Variants in ADAMTSL3 observed in about 807,000 individuals in gnomAD.
The protein encoded by ADAMTSL3 is ADAMTS like 3.
Under a neutral mutation model 201.7 loss-of-function variants are expected in ADAMTSL3, and 128 were observed. That is an observed-to-expected ratio of 0.63 (90% CI 0.55 to 0.73). The LOEUF is 0.73. Ranked by LOEUF, ADAMTSL3 falls within the 30% of genes least tolerant of loss-of-function variation. ADAMTSL3 has a pLI of 0.00. For synonymous variants in ADAMTSL3, 738 were observed against 748.4 expected (o/e 0.99, Z 0.23); for missense variants, 1,990 against 2,119.6 (o/e 0.94, Z 1.20).
At chr15:83,795,342 C>T (rs915451682) in intron 4 of ADAMTSL3, among the ~76,000 whole-genome samples, 3 of 152,068 alleles carry the variant, frequency 2.0e-5, no homozygotes, top group Non-Finnish European at 1.5e-5. Context: ...GGCCAAAAAG[C>T]AAAGAGTAAA....
intron 6 of ADAMTSL3, among the ~76,000 whole-genome samples, chr15:83,830,473 G>T (rs1345461964): frequency 6.6e-6 from 1 of 152,168 alleles, no homozygotes; most frequent in Non-Finnish European, 1.5e-5. Context: ...AAGAAGGCCG[G>T]TTAGCAGTGG....
chr15:83,940,287 A>G (rs1244914967), intron 17 of ADAMTSL3, among the ~76,000 whole-genome samples: 1 of 152,222 alleles, frequency 6.6e-6, no homozygotes, highest in Non-Finnish European at 1.5e-5. Flanking sequence ...CAGAAAATAT[A>G]CTGAATTAGT....
intron 5 of ADAMTSL3, among the ~76,000 whole-genome samples, chr15:83,814,556 A>G (rs979873566): frequency 2.0e-5 from 3 of 152,126 alleles, no homozygotes; most frequent in Non-Finnish European, 4.4e-5. Flanking sequence ...CATCCTTTAA[A>G]TCCATCTGAG....
intron 16 of ADAMTSL3, among the ~76,000 whole-genome samples, chr15:83,915,496 TC>T (rs2066018280): frequency 1.1e-5 from 1 of 89,440 alleles, no homozygotes; most frequent in Non-Finnish European, 2.0e-5. Flanking sequence ...GATAAATTCC[TC>T]TTTTGTTTTT....
rs754906793 is a variant in ADAMTSL3 at position 83,913,215 on chromosome 15, G to A, written c.1824G>A (p.Glu608=). 3.8e-5 allele frequency: 61 copies of A among 1,614,164 alleles called. 1 individual carries two copies. The South Asian group carries it at 6.3e-4, about 17-fold the overall frequency. The change falls in exon 16 of 30, where the codon GAG becomes GAA. Residue 608 remains glutamate (E), a synonymous_variant. Coordinates refer to ENST00000286744, the MANE Select transcript of ADAMTSL3 (RefSeq NM_207517.3). ...CTGAGACTGAGCTGCCCGAGGAAGA[G>A]TGTGAAGGCCCCAAGCTGCCCACCG... ...TQTETELPEE[E]CEGPKLPTER...
intron 3 of ADAMTSL3, among the ~76,000 whole-genome samples, chr15:83,738,021 T>A (rs1391142232): frequency 6.6e-6 from 1 of 152,220 alleles, no homozygotes; most frequent in African/African-American, 2.4e-5. Flanking sequence ...TAAAAATATC[T>A]GTTCAAGTAC....
At chr15:83,770,651 C>T (rs978982168) in intron 3 of ADAMTSL3, among the ~76,000 whole-genome samples, 1 of 152,052 alleles carries the variant, frequency 6.6e-6, no homozygotes, top group Non-Finnish European at 1.5e-5. Flanking sequence ...TAGGTATATC[C>T]AAGATTAATC....
At chr15:83,879,762 A>G (rs975343935) in intron 9 of ADAMTSL3, among the ~76,000 whole-genome samples, 2 of 152,182 alleles carry the variant, frequency 1.3e-5, no homozygotes, top group African/African-American at 4.8e-5. Context: ...GTGTTATTCA[A>G]AATTATAACC....
At chr15:83,777,431 G>A (rs535030246) in intron 4 of ADAMTSL3, among the ~76,000 whole-genome samples, 164 of 152,264 alleles carry the variant, frequency 1.1e-3, no homozygotes, top group Non-Finnish European at 1.9e-3. Context: ...ACATCAAGGA[G>A]CCAGAGAACA....
intron 2 of ADAMTSL3, among the ~76,000 whole-genome samples, chr15:83,695,725 G>C (rs1298468877): frequency 6.6e-6 from 1 of 152,054 alleles, no homozygotes; most frequent in African/African-American, 2.4e-5. Flanking sequence ...AATGTGAAAA[G>C]TCCTTTTCTT....
chr15:84,015,393 C>T (rs1287777707), intron 24 of ADAMTSL3, among the ~76,000 whole-genome samples: 6 of 152,036 alleles, frequency 3.9e-5, no homozygotes, highest in African/African-American at 1.2e-4. Flanking sequence ...TTAGAGGAGC[C>T]CAGAGATATA....
At chr15:83,806,351 C>A (rs2063602532) in intron 5 of ADAMTSL3, among the ~76,000 whole-genome samples, 1 of 152,210 alleles carries the variant, frequency 6.6e-6, no homozygotes, top group African/African-American at 2.4e-5. Flanking sequence ...GCAGCCTAGG[C>A]TATTGAAGCA....
At chr15:83,958,479 C>T (rs1699959193) in intron 19 of ADAMTSL3, among the ~76,000 whole-genome samples, 1 of 152,176 alleles carries the variant, frequency 6.6e-6, no homozygotes, top group South Asian at 2.1e-4. Context: ...TATAATACTT[C>T]CTTTTAACAC....
At chr15:83,878,496 C>T (rs1373894969) in intron 9 of ADAMTSL3, among the ~76,000 whole-genome samples, 2 of 152,058 alleles carry the variant, frequency 1.3e-5, no homozygotes, top group Non-Finnish European at 2.9e-5. Flanking sequence ...TGCCTGTAGT[C>T]CCAGCTACTT....
chr15:83,943,146 A>G, intron 19 of ADAMTSL3, 64 bp downstream of exon 19: 3 of 1,512,338 alleles, frequency 2.0e-6, no homozygotes, highest in Non-Finnish European at 2.7e-6. Context: ...CAGCTTCTAA[A>G]TATTTCCACA....
At chr15:83,986,948 T>A (rs1389007899) in intron 21 of ADAMTSL3, among the ~76,000 whole-genome samples, 1 of 152,232 alleles carries the variant, frequency 6.6e-6, no homozygotes, top group Non-Finnish European at 1.5e-5. Flanking sequence ...CCAGGCTAGG[T>A]ACCCAGTGGC....
At chr15:83,874,387 C>T (rs191015690) in intron 9 of ADAMTSL3, among the ~76,000 whole-genome samples, 1 of 144,908 alleles carries the variant, frequency 6.9e-6, no homozygotes, top group East Asian at 2.3e-4. Context: ...TGTTTAGTCA[C>T]AGGTTGAGTC....
Position 83,844,956 on chromosome 15 carries a change from T to C in ADAMTSL3, c.727+6741T>C, listed in dbSNP as rs148017408. ...ATCATCTGGCCCCTGTGTTACATCA[T>C]GTGCTGCCATCTGCTCCTCATTCCC... On this transcript the variant is annotated intron_variant, in intron 7 of 29. Transcript: ENST00000286744. Among the ~76,000 whole-genome samples the C allele has an allele frequency of 1.6e-3, 241 of 152,334 alleles. 2 individuals carry two copies. Among genetic ancestry groups the C allele is most frequent in the African/African-American group, 5.5e-3 (228 of 41,574 alleles).
intron 3 of ADAMTSL3, among the ~76,000 whole-genome samples, chr15:83,715,881 T>A (rs571555408): frequency 1.5e-4 from 23 of 152,322 alleles, no homozygotes; most frequent in Admixed American, 1.5e-3. Context: ...TGTGCAAAGC[T>A]CTTTATTGAA....
Sources: gnomAD v4.1 joint callset for allele counts (sites outside exome capture counted in the v4.1 genomes callset) on GRCh38, gnomAD v4.1.1 for gene constraint, MANE v1.5 for transcripts, NCBI Gene and HGNC (gene_info 2026-07-23, HGNC 2026-07-21) for gene names.